ANK2: variants seen among roughly 807,000 people sequenced by gnomAD.
ANK2 encodes ankyrin-2.
Under a neutral mutation model 360.5 loss-of-function variants are expected in ANK2, and 83 were observed. The ratio of observed to expected loss-of-function variants is 0.23; its 90% confidence interval spans 0.19 to 0.28. The LOEUF is 0.28. Among genes scored for constraint, ANK2 ranks in the 10% least tolerant of loss-of-function variants. The probability of loss-of-function intolerance (pLI) is 1.00; values close to 1 mark genes in which losing one functional copy is unlikely to be tolerated. For missense variants in ANK2, 4,201 were observed against 4,795.7 expected, an observed-to-expected ratio of 0.88 and a Z score of 3.66; for synonymous variants, 1,740 against 1,759.5, an observed-to-expected ratio of 0.99 and a Z score of 0.28.
In ANK2 at chr4:113,277,167, T is replaced by C. The variant is rs574014820; in HGVS notation, c.1684-670T>C. ...AAAAGCTCTAAAGCTTCAGTGTGTT[T>C]AAAAGTCTGGTGTTAATCAGCCCAA... On this transcript the variant is annotated intron_variant, in intron 15 of 45. Coordinates refer to ENST00000357077, the MANE Select transcript of ANK2 (RefSeq NM_001148.6). Among the ~76,000 whole-genome samples the C allele has an allele frequency of 3.3e-5, 5 of 152,368 alleles. No individual in the cohort carries two copies. In the South Asian group the frequency reaches 1.0e-3, roughly 32 times the overall value.
At chr4:113,289,556 G>C (rs918055805) in intron 20 of ANK2, among the ~76,000 whole-genome samples, 2 of 152,084 alleles carry the variant, frequency 1.3e-5, no homozygotes, top group Non-Finnish European at 2.9e-5. Context: ...AAGTAAATTA[G>C]TGTGAGCACA....
upstream of ANK2, among the ~76,000 whole-genome samples, chr4:113,048,758 G>A (rs1298546528): frequency 6.6e-6 from 1 of 152,054 alleles, no homozygotes; most frequent in Non-Finnish European, 1.5e-5. Context: ...ATTAGGTTAA[G>A]AAAACTTTTG....
intron 1 of ANK2, among the ~76,000 whole-genome samples, chr4:113,113,485 G>C (rs1562159944): frequency 6.6e-6 from 1 of 152,158 alleles, no homozygotes; most frequent in Non-Finnish European, 1.5e-5. Context: ...TTTATCTCCT[G>C]TCTTTAAAAT....
intron 1 of ANK2, among the ~76,000 whole-genome samples, chr4:113,135,479 G>A (rs757931988): frequency 7.9e-5 from 12 of 151,774 alleles, no homozygotes; most frequent in Non-Finnish European, 1.5e-4. Context: ...ATGTAATACC[G>A]TAGAGGCAAA....
intron 35 of ANK2, 180 bp from the exon 36 acceptor site, chr4:113,348,096 A>G (rs2153998628): frequency 3.2e-6 from 2 of 632,706 alleles, no homozygotes; most frequent in Admixed American, 2.6e-5. Context: ...ACTTAAGCCA[A>G]TCTTCTTTTC....
chr4:113,294,248 A>G (rs1300652251), intron 22 of ANK2, among the ~76,000 whole-genome samples: 3 of 152,190 alleles, frequency 2.0e-5, no homozygotes, highest in Non-Finnish European at 4.4e-5. Flanking sequence ...ATTCAGTGGG[A>G]GCAAAGTTTA....
chr4:113,023,721 G>A (rs1470456008), intron 2 of ANK2, among the ~76,000 whole-genome samples: 4 of 152,298 alleles, frequency 2.6e-5, no homozygotes, highest in South Asian at 2.1e-4. Flanking sequence ...TAGGCTGTAT[G>A]ACAGCGGGGT....
At chr4:112,724,556 TACACACAC>T in the ANK2 span, among the ~76,000 whole-genome samples, 97 of 141,768 alleles carry the variant, frequency 6.8e-4, no homozygotes, top group African/African-American at 2.2e-3. Flanking sequence ...CACACACACA[TACACACAC>T]ACACACACAC....
At chr4:112,896,295 C>T (rs538440365) in intron 1 of ANK2, among the ~76,000 whole-genome samples, 2 of 152,160 alleles carry the variant, frequency 1.3e-5, no homozygotes, top group African/African-American at 4.8e-5. Flanking sequence ...AGACTATGGG[C>T]TATAGGTTCT....
chr4:112,936,168 T>G (rs2093698567), intron 2 of ANK2, among the ~76,000 whole-genome samples: 1 of 152,192 alleles, frequency 6.6e-6, no homozygotes, highest in African/African-American at 2.4e-5. Context: ...GTCTCTGAAA[T>G]TATGTTAATT....
intron 4 of ANK2, among the ~76,000 whole-genome samples, chr4:113,205,126 C>T (rs937000766): frequency 6.9e-6 from 1 of 144,348 alleles, no homozygotes; most frequent in Non-Finnish European, 1.5e-5. Context: ...GTCCCAGCTA[C>T]TTGGGAGGCT....
intron 14 of ANK2, among the ~76,000 whole-genome samples, chr4:113,272,634 A>G (rs898492169): frequency 1.3e-5 from 2 of 152,134 alleles, no homozygotes; most frequent in African/African-American, 4.8e-5. Flanking sequence ...TTTTTTTTTA[A>G]AGAAGAACAT....
chr4:113,351,559 C>G (rs1175151433), intron 37 of ANK2, among the ~76,000 whole-genome samples: 4 of 152,066 alleles, frequency 2.6e-5, no homozygotes, highest in Admixed American at 1.3e-4. Context: ...TATGACATAT[C>G]ACATTGCCCT....
chr4:112,804,537 A>G, the ANK2 span, among the ~76,000 whole-genome samples: 3 of 152,160 alleles, frequency 2.0e-5, no homozygotes, highest in Admixed American at 6.5e-5. Context: ...ACAAAACACA[A>G]TGTAACTCAT....
intron 1 of ANK2, among the ~76,000 whole-genome samples, chr4:113,073,522 C>G (rs1011901555): frequency 6.6e-6 from 1 of 151,976 alleles, no homozygotes; most frequent in Non-Finnish European, 1.5e-5. Flanking sequence ...AGAAAGAATT[C>G]CCAAGTATTC....
chr4:112,791,477 T>A, the ANK2 span, among the ~76,000 whole-genome samples: 15 of 60,344 alleles, frequency 2.5e-4, no homozygotes, highest in East Asian at 0.027. Context: ...CTTCTTCTTC[T>A]TCTTTTTTTT....
intron 1 of ANK2, among the ~76,000 whole-genome samples, chr4:112,831,279 T>G (rs1579238538): frequency 6.6e-6 from 1 of 152,126 alleles, no homozygotes; most frequent in Admixed American, 6.5e-5. Flanking sequence ...CTGAGTCGGG[T>G]GGGGACATGG....
chr4:112,879,188 C>A (rs909258450), intron 1 of ANK2, among the ~76,000 whole-genome samples: 1 of 152,196 alleles, frequency 6.6e-6, no homozygotes, highest in African/African-American at 2.4e-5. Flanking sequence ...GTACATTATT[C>A]TCATGTGAGT....
chr4:113,228,533 G>A (rs1393217706), intron 4 of ANK2, among the ~76,000 whole-genome samples: 1 of 152,098 alleles, frequency 6.6e-6, no homozygotes, highest in Non-Finnish European at 1.5e-5. Flanking sequence ...TTTTATGGCT[G>A]GGTATTAGTA....
Sources: gnomAD v4.1 joint callset for allele counts (sites outside exome capture counted in the v4.1 genomes callset) on GRCh38, gnomAD v4.1.1 for gene constraint, MANE v1.5 for transcripts, NCBI Gene and HGNC (gene_info 2026-07-23, HGNC 2026-07-21) for gene names.